Variants in CACNA1B observed in about 807,000 individuals in gnomAD.
CACNA1B encodes calcium voltage-gated channel subunit alpha1 B.
In CACNA1B, 70 loss-of-function variants were observed where a neutral mutation model predicts 247.2. The observed-to-expected ratio is 0.28, with a 90% CI of 0.23 to 0.35. The LOEUF is 0.35. Ranked by LOEUF, CACNA1B falls within the 10% of genes least tolerant of loss-of-function variation. The pLI is 1.00. For missense variants in CACNA1B, 2,367 were observed against 3,197.4 expected, an observed-to-expected ratio of 0.74 and a Z score of 6.26; for synonymous variants, 1,231 against 1,294.4, an observed-to-expected ratio of 0.95 and a Z score of 1.05.
chr9:137,943,723 T>G (rs966502489), intron 6 of CACNA1B, among the ~76,000 whole-genome samples: 1 of 152,124 alleles, frequency 6.6e-6, no homozygotes, highest in African/African-American at 2.4e-5. Flanking sequence ...GCAAAAGAGA[T>G]AGCGAGAAGA....
At chr9:137,936,551 G>T (rs1957671007) in intron 6 of CACNA1B, among the ~76,000 whole-genome samples, 1 of 152,176 alleles carries the variant, frequency 6.6e-6, no homozygotes, top group African/African-American at 2.4e-5. Flanking sequence ...TGAAGTCCTT[G>T]CCCATGTCTA....
chr9:137,941,414 C>T (rs1263632780), intron 6 of CACNA1B, among the ~76,000 whole-genome samples: 1 of 152,200 alleles, frequency 6.6e-6, no homozygotes, highest in African/African-American at 2.4e-5. Context: ...CTACAAAACA[C>T]TGCTGTAAGA....
chr9:138,035,408 G>A (rs886886262), intron 20 of CACNA1B, among the ~76,000 whole-genome samples: 1 of 152,136 alleles, frequency 6.6e-6, no homozygotes, highest in African/African-American at 2.4e-5. Flanking sequence ...GCAGTGAGCC[G>A]TGAGCTGTGA....
chr9:138,070,306 G>A (rs1993430), intron 32 of CACNA1B, among the ~76,000 whole-genome samples: 51,321 of 152,108 alleles, frequency 0.34, 13,173 homozygotes, highest in African/African-American at 0.7. Flanking sequence ...TTCAGGGCTC[G>A]GGGGCAGGGC....
rs1959318536 is a variant in CACNA1B, at chr9:138,052,258, G to A, written c.3807+70G>A. The A allele has an allele frequency of 2.4e-6, 2 of 828,066 alleles. No individual in the cohort carries two copies. The allele number at this position is 828,066 out of a possible 1,614,324, so 51.3% of individuals were successfully genotyped here. On this transcript the variant is annotated intron_variant, in intron 25 of 46. Coordinates refer to ENST00000371372, the MANE Select transcript of CACNA1B (RefSeq NM_000718.4). The surrounding 1 kb of genome is among the most constrained non-coding windows in gnomAD (Gnocchi z 5.1). The stretch of plus-strand genomic sequence containing the variant: ...TGCGTGTGTGTGTGTGCGTGTGTGT[G>A]TGTGTATGCATGCAGTGCATGAGTG...
intron 36 of CACNA1B, among the ~76,000 whole-genome samples, chr9:138,090,701 C>CAAAAAAAAAAAAAAAAAGA (rs1960846722): frequency 6.0e-5 from 1 of 16,584 alleles, no homozygotes; most frequent in Non-Finnish European, 8.9e-5. Flanking sequence ...AACCCATCAG[C>CAAAAAAAAAAAAAAAAAGA]AAAAAAAAAA....
intron 6 of CACNA1B, among the ~76,000 whole-genome samples, chr9:137,945,821 A>T (rs1045971409): frequency 3.3e-5 from 5 of 152,042 alleles, no homozygotes; most frequent in African/African-American, 4.8e-5. Flanking sequence ...AAACATCCCT[A>T]TTTTATTTCT....
In CACNA1B at chr9:138,124,423, TAAAAA is replaced by T. The variant is rs60582824; in HGVS notation, c.*2434_*2438del. The T allele has an allele frequency of 2.5e-4, 35 of 141,088 alleles. No homozygotes were observed. Among genetic ancestry groups the T allele is most frequent in the African/African-American group, 8.7e-4 (34 of 39,158 alleles). 8.7% of individuals were successfully genotyped at this position (141,088 alleles called of 1,614,324 possible). ...GCAAAACTTTATATTTAAGAAGTGTTAAAAAAAAAAAAAAGTCCCAACCATGCAAC... is the reference window on the plus strand; with the variant it reads ...GCAAAACTTTATATTTAAGAAGTGTTAAAAAAAAAGTCCCAACCATGCAAC... On this transcript the variant is annotated 3_prime_UTR_variant, in exon 47 of 47. Transcript: ENST00000371372.
intron 15 of CACNA1B, among the ~76,000 whole-genome samples, chr9:137,999,308 C>T (rs1958537034): frequency 1.3e-5 from 2 of 152,000 alleles, no homozygotes; most frequent in African/African-American, 2.4e-5. Context: ...TAAGCAGGCA[C>T]CGTTAATGAA....
chr9:137,895,586 T>C lies in CACNA1B; in HGVS notation c.530+12703T>C, dbSNP rs147592797. On this transcript the variant is annotated intron_variant, in intron 3 of 46. Coordinates refer to ENST00000371372, the MANE Select transcript of CACNA1B (RefSeq NM_000718.4). ...GTTTTGTTACATTTACATCTAAGTA[T>C]TTCTTTTATTTTGTGTGATTATAGA... 2.0e-5 allele frequency among the ~76,000 whole-genome samples: 3 copies of C among 152,360 alleles called. No homozygotes were observed. In the East Asian group the frequency reaches 5.8e-4, roughly 29 times the overall value.
rs2131371870 is a variant in CACNA1B at position 138,118,753 on chromosome 9, T to C, written c.6015T>C (p.Leu2005=). The change falls in exon 44 of 47, where the codon CTT becomes CTC. Residue 2005 remains leucine (L), a synonymous_variant. Coordinates refer to ENST00000371372, the MANE Select transcript of CACNA1B (RefSeq NM_000718.4). ...SQGRAASMPR[L]AAETQPVTDA... ...GTCGAGCGGCCTCCATGCCCCGCCT[T>C]GCGGCCGAGACTCAGGTAGGTGGTC... 6.6e-7 allele frequency: 1 copy of C among 1,512,600 alleles called. No homozygotes were observed. Among genetic ancestry groups the C allele is most frequent in the East Asian group, 2.5e-5 (1 of 40,404 alleles). The allele number at this position is 1,512,600 out of a possible 1,614,324, so 93.7% of individuals were successfully genotyped here. A position where few individuals can be genotyped will look rare whatever the true frequency, so the allele number is the denominator to read the frequency against.
At chr9:138,120,526 C>T in intron 45 of CACNA1B, 105 bp from the exon 46 acceptor site, 1 of 1,397,188 alleles carries the variant, frequency 7.2e-7, no homozygotes, top group Non-Finnish European at 9.5e-7. Context: ...CTAACCCTCA[C>T]CCTAGCCTCC....
chr9:137,905,532 T>C (rs1957288908), intron 3 of CACNA1B, among the ~76,000 whole-genome samples: 1 of 152,224 alleles, frequency 6.6e-6, no homozygotes, highest in Non-Finnish European at 1.5e-5. Context: ...CCTAAGTACT[T>C]AAGTATTGTA....
Position 138,073,531 on chromosome 9 carries a change from C to T in CACNA1B, c.4718C>T (p.Ala1573Val), listed in dbSNP as rs1960205007. ...AGCTTCCTCCGCCTCTTTCGAGCTG[C>T]GCGGCTGATCAAGCTGCTCCGCCAG... is the stretch of plus-strand genomic sequence containing the variant. ...NLSFLRLFRA[A>V]RLIKLLRQGY... The change falls in exon 33 of 47, where the codon GCG becomes GTG. Residue 1573 changes from alanine (A) to valine (V), a missense_variant. Ala to Val is a moderately conservative substitution (Grantham distance 64, BLOSUM62 0). Transcript: ENST00000371372. The surrounding 1 kb of genome is among the most constrained non-coding windows in gnomAD (Gnocchi z 6.4). The T allele has an allele frequency of 1.9e-6, 3 of 1,613,336 alleles. No homozygotes were observed. Among genetic ancestry groups the T allele is most frequent in the Non-Finnish European group, 2.5e-6 (3 of 1,179,366 alleles).
At position 138,119,731 on chromosome 9, in the gene CACNA1B, C is replaced by T. The variant is rs564621434; in HGVS notation, c.6031-434C>T. Among the ~76,000 whole-genome samples the T allele has an allele frequency of 2.0e-5, 3 of 152,284 alleles. No individual in the cohort carries two copies. The East Asian group carries it at 5.8e-4, about 29-fold the overall frequency. On this transcript the variant is annotated intron_variant, in intron 44 of 46. Coordinates refer to ENST00000371372, the MANE Select transcript of CACNA1B (RefSeq NM_000718.4). ...CTGCAGCCTGTGCTGGGGCCTCCTC[C>T]TTCACACACGTGATGCATTGGCGGC...
intron 36 of CACNA1B, among the ~76,000 whole-genome samples, chr9:138,086,568 C>T (rs1005381105): frequency 2.0e-5 from 3 of 151,044 alleles, no homozygotes; most frequent in African/African-American, 7.4e-5. Context: ...CAAGGAATGT[C>T]ATTATATAAT....
At chr9:138,069,437 A>C (rs1960041645) in intron 31 of CACNA1B, among the ~76,000 whole-genome samples, 1 of 152,234 alleles carries the variant, frequency 6.6e-6, no homozygotes, top group Admixed American at 6.5e-5. Flanking sequence ...AATGAATGCC[A>C]CCTTGTCTGC....
At chr9:138,091,972 C>T (rs1960894985) in intron 36 of CACNA1B, among the ~76,000 whole-genome samples, 1 of 152,092 alleles carries the variant, frequency 6.6e-6, no homozygotes, top group Non-Finnish European at 1.5e-5. Flanking sequence ...AACTGCAAAA[C>T]CAGCAAGTTT....
At chr9:138,044,321 C>T (rs1376993817) in intron 21 of CACNA1B, among the ~76,000 whole-genome samples, 2 of 152,246 alleles carry the variant, frequency 1.3e-5, no homozygotes, top group Admixed American at 6.5e-5. Context: ...TCATCATCCA[C>T]TCTTCAGTCC....
Sources: gnomAD v4.1 joint callset for allele counts (sites outside exome capture counted in the v4.1 genomes callset) on GRCh38, gnomAD v4.1.1 for gene constraint, Gnocchi (gnomAD v3.1) non-coding constraint, MANE v1.5 for transcripts, NCBI Gene and HGNC (gene_info 2026-07-23, HGNC 2026-07-21) for gene names.